Variants in FBH1 observed in about 807,000 individuals in gnomAD.
The protein encoded by FBH1 is F-box DNA helicase 1.
FBH1 carries 43 observed loss-of-function variants against 115.5 expected under a neutral mutation model. The observed-to-expected ratio is 0.37, with a 90% CI of 0.29 to 0.48. The LOEUF (loss-of-function observed/expected upper bound fraction) is 0.48, where lower values mean the gene tolerates loss of function less well. Among genes scored for constraint, FBH1 ranks in the 20% least tolerant of loss-of-function variants. FBH1 has a pLI of 0.99. For missense variants in FBH1, 1,001 were observed against 1,337.3 expected, an observed-to-expected ratio of 0.75 and a Z score of 3.92; for synonymous variants, 524 against 507.8, an observed-to-expected ratio of 1.03 and a Z score of -0.43.
chr10:5,926,003 T>C (rs1292651522), intron 18 of FBH1, among the ~76,000 whole-genome samples: 2 of 152,228 alleles, frequency 1.3e-5, no homozygotes, highest in East Asian at 3.8e-4. Context: ...AGTCTTAGGC[T>C]CAAGCGATCC....
Position 5,897,752 on chromosome 10 carries a change from G to A in FBH1, c.2-5268G>A, listed in dbSNP as rs895296469. Reference sequence around the variant, plus strand: ...ATGCCAGAACATATTGGAATATACCGGGACTCCCTTGAAGCAGAACACAGT... The same window carrying A: ...ATGCCAGAACATATTGGAATATACCAGGACTCCCTTGAAGCAGAACACAGT... On this transcript the variant is annotated intron_variant, in intron 1 of 20. Coordinates refer to ENST00000362091, the MANE Select transcript of FBH1 (RefSeq NM_178150.3). This position sits in a 1 kb window ranked among gnomAD's most constrained non-coding sequence, Gnocchi z 4.7. Among the ~76,000 whole-genome samples, 7 of 152,100 alleles carry A rather than the reference G, an allele frequency of 4.6e-5. No individual in the cohort carries two copies. Among genetic ancestry groups the A allele is most frequent in the Admixed American group, 2.0e-4 (3 of 15,272 alleles).
Position 5,911,428 on chromosome 10 carries a change from T to C in FBH1, c.1211+300T>C, listed in dbSNP as rs945775125. ...CCCTCGCCAAGAGAAGCCTTTCTTA[T>C]TCACCCGTGGCCTCGCTTCCCTAGG... On this transcript the variant is annotated intron_variant, in intron 6 of 20. Transcript: ENST00000362091. The surrounding 1 kb of genome is among the most constrained non-coding windows in gnomAD (Gnocchi z 5.4). Among the ~76,000 whole-genome samples the C allele has an allele frequency of 2.6e-5, 4 of 152,260 alleles. No homozygotes were observed. The highest frequency in any genetic ancestry group is 4.4e-5 in the Non-Finnish European group (3 of 68,048).
At position 5,915,690 on chromosome 10, in the gene FBH1, A is replaced by G. The variant is rs1306684703; in HGVS notation, c.1565+119A>G. The G allele has an allele frequency of 1.2e-6, 1 of 845,070 alleles. No homozygotes were observed. Among genetic ancestry groups the G allele is most frequent in the Non-Finnish European group, 1.8e-6 (1 of 542,862 alleles). 52.3% of individuals were successfully genotyped at this position (845,070 alleles called of 1,614,324 possible). ...TGACCCCGAGGAGTGTAGTGCTGTT[A>G]TCTCCACTTACAGGCAGGAAACAAA... On this transcript the variant is annotated intron_variant, in intron 9 of 20. Coordinates refer to ENST00000362091, the MANE Select transcript of FBH1 (RefSeq NM_178150.3). This position sits in a 1 kb window ranked among gnomAD's most constrained non-coding sequence, Gnocchi z 5.2.
rs142910031 is a variant in FBH1, at chr10:5,913,800, A to G, written c.1265A>G (p.Gln422Arg). 80 of 1,595,716 alleles carry G rather than the reference A, an allele frequency of 5.0e-5. No homozygotes were observed. The African/African-American group carries it at 9.2e-4, about 18-fold the overall frequency. Reference protein sequence around the residue: ...CLYLQENSCTQATKVKEEPSV... With the variant: ...CLYLQENSCTRATKVKEEPSV... Reference sequence around the variant, plus strand: ...TATCTTCAGGAGAATTCCTGCACTCAGGCCACAAAAGTTAAAGAGGAGCCA... The same window carrying G: ...TATCTTCAGGAGAATTCCTGCACTCGGGCCACAAAAGTTAAAGAGGAGCCA... Residue 422 changes from glutamine to arginine, a missense_variant, in exon 7 of 21, where the codon CAG becomes CGG. Coordinates refer to ENST00000362091, the MANE Select transcript of FBH1 (RefSeq NM_178150.3). The surrounding 1 kb of genome is among the most constrained non-coding windows in gnomAD (Gnocchi z 4.4).
Position 5,915,903 on chromosome 10 carries a change from A to G in FBH1, c.1566-331A>G. The G allele has an allele frequency of 2.2e-6, 1 of 462,606 alleles. No homozygotes were observed. Among genetic ancestry groups the G allele is most frequent in the Admixed American group, 3.8e-5 (1 of 25,994 alleles). The allele number at this position is 462,606 out of a possible 1,614,324, so 28.7% of individuals were successfully genotyped here. A position where few individuals can be genotyped will look rare whatever the true frequency, so the allele number is the denominator to read the frequency against. Reference sequence around the variant, plus strand: ...TCTTGGAAGGGAGTGAGGAAGACTCAGCCGAGGCACACTTGACCCAGGTCT... The same window carrying G: ...TCTTGGAAGGGAGTGAGGAAGACTCGGCCGAGGCACACTTGACCCAGGTCT... On this transcript the variant is annotated intron_variant, in intron 9 of 20. Transcript: ENST00000362091. This position sits in a 1 kb window ranked among gnomAD's most constrained non-coding sequence, Gnocchi z 5.2.
Position 5,910,986 on chromosome 10 carries a change from A to G in FBH1, c.1069A>G (p.Ser357Gly), listed in dbSNP as rs1831551855. Residue 357 changes from serine to glycine, a missense_variant, in exon 6 of 21, where the codon AGT (serine) becomes GGT (glycine). Ser to Gly is a moderately conservative substitution (Grantham distance 56). Transcript: ENST00000362091. This position sits in a 1 kb window ranked among gnomAD's most constrained non-coding sequence, Gnocchi z 4.8. The part of the protein sequence containing the change: ...LVAAVVLLSS[S>G]VNDIQRLLFC... Reference sequence around the variant, plus strand: ...GGCGGCTGTGGTGCTCCTCTCCAGCAGTGTGAATGACATCCAGCGACTGCT... The same window carrying G: ...GGCGGCTGTGGTGCTCCTCTCCAGCGGTGTGAATGACATCCAGCGACTGCT... 6.2e-7 allele frequency: 1 copy of G among 1,612,306 alleles called. No homozygotes were observed. The highest frequency in any genetic ancestry group is 8.5e-7 in the Non-Finnish European group (1 of 1,180,004).
At chr10:5,922,151 G>C (rs988606615) in intron 15 of FBH1, among the ~76,000 whole-genome samples, 1 of 152,200 alleles carries the variant, frequency 6.6e-6, no homozygotes, top group African/African-American at 2.4e-5. Context: ...ATTTTCAAGA[G>C]CCTACTATGC....
In FBH1 at chr10:5,914,269, G is replaced by T; in HGVS notation, c.1396G>T (p.Gly466Cys). 6.2e-7 allele frequency: 1 copy of T among 1,613,974 alleles called. No individual in the cohort carries two copies. Among genetic ancestry groups the T allele is most frequent in the Non-Finnish European group, 8.5e-7 (1 of 1,179,842 alleles). The change falls in exon 8 of 21, where the codon GGC (glycine) becomes TGC (cysteine). Residue 466 changes from glycine (G) to cysteine (C), a missense_variant and splice_region_variant. By Grantham distance (159) the Gly-to-Cys change is radical. Transcript: ENST00000362091. The surrounding 1 kb of genome is among the most constrained non-coding windows in gnomAD (Gnocchi z 5.2). ...GGTGGTGAAAATTATGGCCTTTGCCGGTAAGGGAGCCCACATCAGGTTCAC... is the reference window on the plus strand; with the variant it reads ...GGTGGTGAAAATTATGGCCTTTGCCTGTAAGGGAGCCCACATCAGGTTCAC... ...LQVVKIMAFA[G>C]TGKTSTLVKY...
intron 1 of FBH1, chr10:5,893,871 G>A (rs1199524316): frequency 2.1e-6 from 1 of 466,034 alleles, no homozygotes; most frequent in Non-Finnish European, 2.8e-6. Flanking sequence ...AAGTAGTTGT[G>A]GAATGAATTG....
At chr10:5,912,437 G>A (rs940909024) in intron 6 of FBH1, among the ~76,000 whole-genome samples, 3 of 150,420 alleles carry the variant, frequency 2.0e-5, no homozygotes, top group Admixed American at 1.3e-4. Context: ...CTGAGCTGGA[G>A]TGATGGGGAC....
At chr10:5,894,334 C>A in intron 1 of FBH1, 1 of 1,543,246 alleles carries the variant, frequency 6.5e-7, no homozygotes, top group Non-Finnish European at 8.7e-7. Context: ...TGACATTTCA[C>A]AATGATTTTA....
Position 5,914,061 on chromosome 10 carries a change from C to T in FBH1, c.1305-117C>T, listed in dbSNP as rs1831775955. The T allele has an allele frequency of 1.0e-6, 1 of 994,234 alleles. No individual in the cohort carries two copies. Among genetic ancestry groups the T allele is most frequent in the Non-Finnish European group, 1.5e-6 (1 of 652,392 alleles). 61.6% of individuals were successfully genotyped at this position (994,234 alleles called of 1,614,324 possible). ...ACATGTTTATTCTCGTAAGGGGAGG[C>T]CTTTTTTTTGGTCAGCTTTTGTTTA... On this transcript the variant is annotated intron_variant, in intron 7 of 20. Transcript: ENST00000362091. The surrounding 1 kb of genome is among the most constrained non-coding windows in gnomAD (Gnocchi z 5.2).
At position 5,906,683 on chromosome 10, in the gene FBH1, T is replaced by C; in HGVS notation, c.753+51T>C. ...TGTTTCCTCTAAAAGCACGTAACTT[T>C]GCTTAATGCACGCTTATAATCAGAG... On this transcript the variant is annotated intron_variant, in intron 3 of 20. Transcript: ENST00000362091. The surrounding 1 kb of genome is among the most constrained non-coding windows in gnomAD (Gnocchi z 7.3). 7.0e-7 allele frequency: 1 copy of C among 1,419,146 alleles called. No individual in the cohort carries two copies. The highest frequency in any genetic ancestry group is 9.7e-7 in the Non-Finnish European group (1 of 1,035,526). The allele number at this position is 1,419,146 out of a possible 1,614,324, so 87.9% of individuals were successfully genotyped here.
intron 1 of FBH1, among the ~76,000 whole-genome samples, chr10:5,899,287 G>C (rs1320741448): frequency 6.6e-6 from 1 of 152,098 alleles, no homozygotes; most frequent in Admixed American, 6.5e-5. Context: ...TGTTGATCTT[G>C]CTCCTTTGTG....
chr10:5,906,348 A>G lies in FBH1; in HGVS notation c.469A>G (p.Thr157Ala), dbSNP rs745428782. ...APRHHLSVPC[T>A]RPREARQEAE... ...ACGGCACCATTTGTCTGTGCCATGCACAAGGCCTAGGGAGGCCAGGCAAGA... is the reference window on the plus strand; with the variant it reads ...ACGGCACCATTTGTCTGTGCCATGCGCAAGGCCTAGGGAGGCCAGGCAAGA... Residue 157 changes from threonine (T) to alanine (A), a missense_variant, in exon 3 of 21, where the codon ACA (threonine) becomes GCA (alanine). Around this residue, in one of 4 missense-constraint regions of FBH1, gnomAD observed 420 missense variants for 430.4 expected, o/e 0.98. Coordinates refer to ENST00000362091, the MANE Select transcript of FBH1 (RefSeq NM_178150.3). This position sits in a 1 kb window ranked among gnomAD's most constrained non-coding sequence, Gnocchi z 7.3. The G allele has an allele frequency of 6.2e-7, 1 of 1,614,244 alleles. No individual in the cohort carries two copies. The highest frequency in any genetic ancestry group is 2.2e-5 in the East Asian group (1 of 44,886).
At chr10:5,902,880 G>A (rs1174268373) in intron 1 of FBH1, 140 bp from the exon 2 acceptor site, 2 of 644,188 alleles carry the variant, frequency 3.1e-6, no homozygotes, top group Non-Finnish European at 4.8e-6. Flanking sequence ...TGGGGGGCAA[G>A]GGGAGGGGGG....
Position 5,918,468 on chromosome 10 carries a change from A to C in FBH1, c.2090A>C (p.Tyr697Ser). Residue 697 changes from tyrosine to serine, a missense_variant, in exon 13 of 21, where the codon TAT (tyrosine) becomes TCT (serine). Transcript: ENST00000362091. This position sits in a 1 kb window ranked among gnomAD's most constrained non-coding sequence, Gnocchi z 4.0. ...ACAGTGCCCCACACCCACGTCTTCT[A>C]TCTCACGCAGGTAAGTGCGCACTCT... ...LFTVPHTHVF[Y>S]LTQSFRFGVE... 6.3e-7 allele frequency: 1 copy of C among 1,599,930 alleles called. No homozygotes were observed. Among genetic ancestry groups the C allele is most frequent in the African/African-American group, 1.4e-5 (1 of 73,868 alleles).
At chr10:5,922,575 T>C (rs1207234479) in intron 15 of FBH1, among the ~76,000 whole-genome samples, 1 of 152,208 alleles carries the variant, frequency 6.6e-6, no homozygotes, top group East Asian at 1.9e-4. Context: ...ATCCACTTAC[T>C]AGCTGTACCA....
intron 2 of FBH1, chr10:5,905,352 C>G (rs960956766): frequency 6.6e-6 from 1 of 152,160 alleles, no homozygotes; most frequent in African/African-American, 2.4e-5. Context: ...AACCCCATCT[C>G]TACTAAAATA....
Sources: allele counts gnomAD v4.1 joint callset (sites outside exome capture counted in the v4.1 genomes callset), GRCh38; gene constraint gnomAD v4.1.1; regional missense constraint gnomAD v4.1.1; non-coding constraint Gnocchi (gnomAD v3.1); transcripts MANE v1.5; gene names NCBI Gene and HGNC (gene_info 2026-07-23, HGNC 2026-07-21).